Variants in ACOXL observed in about 807,000 individuals in gnomAD.
ACOXL encodes the protein acyl-coenzyme A oxidase-like protein.
Under a neutral mutation model 71.9 loss-of-function variants are expected in ACOXL, and 70 were observed. The ratio of observed to expected loss-of-function variants is 0.97; its 90% CI spans 0.80 to 1.19. The LOEUF (loss-of-function observed/expected upper bound fraction) is 1.19, where lower values mean the gene tolerates loss of function less well. Ranked by LOEUF, ACOXL falls within the 50% of genes most tolerant of loss-of-function variation. The probability of loss-of-function intolerance (pLI) is 0.00; values close to 1 mark genes in which losing one functional copy is unlikely to be tolerated. For synonymous variants in ACOXL, 253 were observed against 281.6 expected, an observed-to-expected ratio of 0.90 and a Z score of 1.02; for missense variants, 703 against 736.3, an observed-to-expected ratio of 0.95 and a Z score of 0.52.
At chr2:110,768,297 G>C in intron 1 of ACOXL, 71 bp from the exon 2 acceptor site, 1 of 1,258,182 alleles carries the variant, frequency 7.9e-7, no homozygotes, top group Non-Finnish European at 1.2e-6. Flanking sequence ...CTGAGCCCGG[G>C]GTCAAAGCAT....
At chr2:111,105,621 A>G (rs1437098040) in intron 17 of ACOXL, among the ~76,000 whole-genome samples, 1 of 152,162 alleles carries the variant, frequency 6.6e-6, no homozygotes, top group Non-Finnish European at 1.5e-5. Context: ...CATATCCATT[A>G]CTATTATATG....
chr2:111,065,523 T>C (rs2067024202), intron 16 of ACOXL, among the ~76,000 whole-genome samples: 1 of 152,150 alleles, frequency 6.6e-6, no homozygotes, highest in South Asian at 2.1e-4. Flanking sequence ...AAACAGGACA[T>C]CATCAAAATT....
At chr2:111,008,482 A>G (rs977785802) in intron 14 of ACOXL, among the ~76,000 whole-genome samples, 2 of 152,186 alleles carry the variant, frequency 1.3e-5, no homozygotes, top group Non-Finnish European at 2.9e-5. Context: ...GCCACAGAAT[A>G]ATCTATGTTA....
intron 15 of ACOXL, among the ~76,000 whole-genome samples, chr2:111,048,086 T>A (rs1403434173): frequency 1.3e-5 from 2 of 152,258 alleles, no homozygotes; most frequent in Admixed American, 6.5e-5. Flanking sequence ...AGACATGACA[T>A]CCAGGCATGC....
chr2:110,756,418 C>T (rs72830996), intron 1 of ACOXL, among the ~76,000 whole-genome samples: 4,072 of 152,258 alleles, frequency 0.027, 83 homozygotes, highest in East Asian at 0.055. Context: ...TATGAGCCAC[C>T]GCACCGTGTC....
intron 9 of ACOXL, among the ~76,000 whole-genome samples, chr2:110,835,959 A>T (rs1207538878): frequency 1.3e-5 from 2 of 152,194 alleles, no homozygotes; most frequent in Non-Finnish European, 2.9e-5. Context: ...CATTATCCTC[A>T]TTTCACAATG....
At position 111,100,895 on chromosome 2, in the gene ACOXL, T is replaced by C. The variant is rs367551175; in HGVS notation, c.1542+7929T>C. The C allele has an allele frequency of 1.8e-4, 28 of 152,790 alleles. 2 individuals are homozygous for C. Among genetic ancestry groups the C allele is most frequent in the African/African-American group, 5.8e-4 (24 of 41,580 alleles). 9.5% of individuals were successfully genotyped at this position (152,790 alleles called of 1,614,324 possible). The stretch of plus-strand genomic sequence containing the variant: ...GCCTGCTGATGACATGTGATTGAGA[T>C]TCTGACTGTATCTGCTCAAGTCTAA... On this transcript the variant is annotated intron_variant, in intron 17 of 17. Transcript: ENST00000439055.
chr2:110,804,684 C>T (rs1157163518), intron 8 of ACOXL, among the ~76,000 whole-genome samples: 1 of 152,188 alleles, frequency 6.6e-6, no homozygotes, highest in Non-Finnish European at 1.5e-5. Flanking sequence ...CGTGCTACAA[C>T]ACAGGTGAAC....
At chr2:111,038,905 CAT>C (rs938800280) in intron 15 of ACOXL, among the ~76,000 whole-genome samples, 4 of 152,110 alleles carry the variant, frequency 2.6e-5, no homozygotes, top group South Asian at 2.1e-4. Flanking sequence ...AGAAAAAAAA[CAT>C]AGAAAAAGCA....
At chr2:110,910,067 T>C (rs1398862511) in intron 11 of ACOXL, among the ~76,000 whole-genome samples, 1 of 152,194 alleles carries the variant, frequency 6.6e-6, no homozygotes, top group African/African-American at 2.4e-5. Context: ...ACTCTTCTCG[T>C]GTAATAAACA....
chr2:110,866,136 G>A (rs982957794), intron 10 of ACOXL, among the ~76,000 whole-genome samples: 4 of 152,248 alleles, frequency 2.6e-5, no homozygotes, highest in Admixed American at 6.5e-5. Context: ...CGTGCCGTGT[G>A]CCTCATTTGT....
intron 1 of ACOXL, among the ~76,000 whole-genome samples, chr2:110,751,627 C>T (rs1462409662): frequency 2.0e-5 from 3 of 152,210 alleles, no homozygotes; most frequent in East Asian, 3.9e-4. Context: ...TGTACATTCT[C>T]AGGGCTTTGC....
chr2:110,763,591 C>G (rs1680676462), intron 1 of ACOXL, among the ~76,000 whole-genome samples: 1 of 152,052 alleles, frequency 6.6e-6, no homozygotes, highest in South Asian at 2.1e-4. Context: ...CATAAAATTC[C>G]TAGGAGATCT....
At chr2:111,091,472 G>C (rs907510023) in intron 16 of ACOXL, among the ~76,000 whole-genome samples, 2 of 152,140 alleles carry the variant, frequency 1.3e-5, no homozygotes, top group Non-Finnish European at 2.9e-5. Context: ...TTAAATTTCT[G>C]CACCTAGAAA....
chr2:110,944,186 C>T (rs1417550367), intron 12 of ACOXL, among the ~76,000 whole-genome samples: 2 of 152,124 alleles, frequency 1.3e-5, no homozygotes, highest in Non-Finnish European at 2.9e-5. Flanking sequence ...GCCTCAGCCT[C>T]CCAAGTAGCT....
intron 12 of ACOXL, among the ~76,000 whole-genome samples, chr2:110,957,436 CTGCTATACGAAG>C (rs2061540432): frequency 6.6e-6 from 1 of 152,170 alleles, no homozygotes; most frequent in African/African-American, 2.4e-5. Context: ...TCTGTGCTGG[CTGCTATACGAAG>C]TGCCATAGAC....
chr2:111,106,123 T>C (rs1160739816), intron 17 of ACOXL, among the ~76,000 whole-genome samples: 1 of 152,212 alleles, frequency 6.6e-6, no homozygotes, highest in Non-Finnish European at 1.5e-5. Context: ...CTCTTCTCTT[T>C]TCAGAACACT....
At chr2:110,833,821 A>T (rs552941961) in intron 9 of ACOXL, among the ~76,000 whole-genome samples, 1 of 152,166 alleles carries the variant, frequency 6.6e-6, no homozygotes, top group Admixed American at 6.5e-5. Context: ...ATCGAGGAAA[A>T]GGTAGCTGAA....
intron 10 of ACOXL, among the ~76,000 whole-genome samples, chr2:110,869,971 T>G (rs1695069173): frequency 6.6e-6 from 1 of 152,246 alleles, no homozygotes; most frequent in Admixed American, 6.5e-5. Context: ...TGGCTTGTAA[T>G]GGATTCACCG....
Sources: gnomAD v4.1 joint callset for allele counts (sites outside exome capture counted in the v4.1 genomes callset) on GRCh38, gnomAD v4.1.1 for gene constraint, MANE v1.5 for transcripts, NCBI Gene and HGNC (gene_info 2026-07-23, HGNC 2026-07-21) for gene names.